The following TMEM131L variants were observed in gnomAD, a reference collection of about 807,000 sequenced individuals.
The protein encoded by TMEM131L is transmembrane 131 like.
In TMEM131L, 54 loss-of-function variants were observed where a neutral mutation model predicts 192.2. That is an observed-to-expected ratio of 0.28 (90% CI 0.23 to 0.35). TMEM131L has a LOEUF of 0.35. TMEM131L is among the 10% of genes least tolerant of loss of function. TMEM131L has a pLI of 1.00. For synonymous variants in TMEM131L, 701 were observed against 704.9 expected, an observed-to-expected ratio of 0.99 and a Z score of 0.09; for missense variants, 1,888 against 1,972.9, an observed-to-expected ratio of 0.96 and a Z score of 0.82.
At chr4:153,614,629 T>G (rs1032827033) in intron 26 of TMEM131L, among the ~76,000 whole-genome samples, 3 of 152,202 alleles carry the variant, frequency 2.0e-5, no homozygotes, top group Admixed American at 1.3e-4. Flanking sequence ...TTATAAAGAC[T>G]GTCAGGATGC....
chr4:153,592,423 G>A, intron 17 of TMEM131L, 52 bp from the exon 18 acceptor site: 1 of 1,208,512 alleles, frequency 8.3e-7, no homozygotes, highest in Non-Finnish European at 1.2e-6. Flanking sequence ...AATATCTCAG[G>A]AGGGATGCTG....
At position 153,603,305 on chromosome 4, in the gene TMEM131L, T is replaced by G. The variant is rs746709477; in HGVS notation, c.2642T>G (p.Leu881Trp). The G allele has an allele frequency of 1.2e-6, 2 of 1,612,984 alleles. No homozygotes were observed. The highest frequency in any genetic ancestry group is 2.2e-5 in the South Asian group (2 of 90,824). Residue 881 changes from leucine (L) to tryptophan (W), a missense_variant and splice_region_variant, in exon 24 of 35, where the codon TTG (leucine) becomes TGG (tryptophan). Transcript: ENST00000409959. ...AACCTTGTTGCTTTCTTCCTCAGTTTGTCCCTGTTGGGTGTGATTTTAATA... is the reference window on the plus strand; with the variant it reads ...AACCTTGTTGCTTTCTTCCTCAGTTGGTCCCTGTTGGGTGTGATTTTAATA... ...FWRLTVFFVS[L>W]SLLGVILIAF...
At chr4:153,565,995 TG>T (rs1483907814) in intron 7 of TMEM131L, among the ~76,000 whole-genome samples, 2 of 152,202 alleles carry the variant, frequency 1.3e-5, no homozygotes, top group Non-Finnish European at 2.9e-5. Flanking sequence ...TATTTGAAAT[TG>T]GCATTGTCTC....
intron 3 of TMEM131L, among the ~76,000 whole-genome samples, chr4:153,504,266 C>CTTTTTTTTTTTTTTTTTT (rs531620464): frequency 2.3e-5 from 1 of 42,630 alleles, no homozygotes; most frequent in Admixed American, 2.6e-4. Context: ...CGCGGTCGGC[C>CTTTTTTTTTTTTTTTTTT]TTTTTTTTTT....
intron 26 of TMEM131L, among the ~76,000 whole-genome samples, chr4:153,616,158 C>A (rs568118415): frequency 6.6e-6 from 1 of 152,226 alleles, no homozygotes; most frequent in African/African-American, 2.4e-5. Flanking sequence ...AGGAGACAGG[C>A]CCATCTGAGG....
At chr4:153,610,098 T>TTAGA (rs1366261535) in intron 25 of TMEM131L, among the ~76,000 whole-genome samples, 2 of 152,232 alleles carry the variant, frequency 1.3e-5, no homozygotes, top group Non-Finnish European at 2.9e-5. Flanking sequence ...AGGGCTGCTG[T>TTAGA]TAGATGCTCT....
rs752650890 is a variant in TMEM131L at position 153,557,004 on chromosome 4, T to C, written c.471T>C (p.Ile157=). ...PAMGKTSFRI[I]FLPTEEGSIE... is the part of the protein sequence containing the mutation. ...TGGGGAAAACTTCCTTCAGAATTATTTTCTTACCTACTGAAGAAGGAAGCA... is the reference window on the plus strand; with the variant it reads ...TGGGGAAAACTTCCTTCAGAATTATCTTCTTACCTACTGAAGAAGGAAGCA... The change falls in exon 6 of 35, where the codon ATT becomes ATC. Residue 157 remains isoleucine (I), a synonymous_variant. Transcript: ENST00000409959. 1 of 1,602,866 alleles carries C rather than the reference T, an allele frequency of 6.2e-7. No homozygotes were observed. The highest frequency in any genetic ancestry group is 1.1e-5 in the South Asian group (1 of 90,198).
intron 3 of TMEM131L, among the ~76,000 whole-genome samples, chr4:153,547,695 C>G (rs1737289378): frequency 6.6e-6 from 1 of 152,230 alleles, no homozygotes; most frequent in Non-Finnish European, 1.5e-5. Flanking sequence ...CTCGAGTGCT[C>G]TGCTTCCCAA....
At chr4:153,604,564 A>C in intron 25 of TMEM131L, 134 bp downstream of exon 25, 1 of 931,216 alleles carries the variant, frequency 1.1e-6, no homozygotes, top group Middle Eastern at 2.2e-4. Flanking sequence ...TATTGAAAAA[A>C]GACAAAATGA....
intron 3 of TMEM131L, among the ~76,000 whole-genome samples, chr4:153,515,469 A>C (rs143989684): frequency 2.2e-4 from 33 of 152,336 alleles, no homozygotes; most frequent in African/African-American, 7.5e-4. Flanking sequence ...GATAGATCAC[A>C]TTTTATTCAT....
At position 153,561,500 on chromosome 4, in the gene TMEM131L, A is replaced by G. The variant is rs75828140; in HGVS notation, c.660+3132A>G. 7.0e-3 allele frequency among the ~76,000 whole-genome samples: 1,072 copies of G among 152,266 alleles called. 13 individuals are homozygous for G. Among genetic ancestry groups the G allele is most frequent in the African/African-American group, 0.024 (994 of 41,532 alleles). ...TTTCTTCTAAAGTTTTATAGTTTAC[A>G]TTTAGGTTTATGACCCATCCTCACT... is the stretch of plus-strand genomic sequence containing the variant. On this transcript the variant is annotated intron_variant, in intron 7 of 34. Coordinates refer to ENST00000409959, the MANE Select transcript of TMEM131L (RefSeq NM_001131007.2).
At chr4:153,602,832 G>C in intron 23 of TMEM131L, 105 bp downstream of exon 23, 1 of 975,442 alleles carries the variant, frequency 1.0e-6, no homozygotes, top group Non-Finnish European at 1.6e-6. Flanking sequence ...TATATGAATT[G>C]AGTGGAATTG....
At chr4:153,483,745 C>A (rs1450265207) in intron 3 of TMEM131L, among the ~76,000 whole-genome samples, 1 of 152,042 alleles carries the variant, frequency 6.6e-6, no homozygotes, top group East Asian at 1.9e-4. Flanking sequence ...GAAGGTATTG[C>A]TGTGTAAGAA....
At chr4:153,587,400 AT>A (rs1044894957) in intron 14 of TMEM131L, among the ~76,000 whole-genome samples, 1 of 150,634 alleles carries the variant, frequency 6.6e-6, no homozygotes, top group South Asian at 2.1e-4. Flanking sequence ...TTAATTTTTA[AT>A]TTTTTTTACA....
chr4:153,467,409 G>A, intron 2 of TMEM131L, 128 bp downstream of exon 2: 1 of 778,414 alleles, frequency 1.3e-6, no homozygotes, highest in Non-Finnish European at 2.1e-6. Context: ...GCAAATAAAC[G>A]TTAGGGGCCG....
In TMEM131L at chr4:153,584,926, T is replaced by C. The variant is rs1182043418; in HGVS notation, c.1152T>C (p.Ala384=). The C allele has an allele frequency of 1.2e-6, 2 of 1,611,952 alleles. No homozygotes were observed. Among genetic ancestry groups the C allele is most frequent in the Admixed American group, 1.7e-5 (1 of 59,994 alleles). Residue 384 remains alanine, a synonymous_variant, in exon 12 of 35, where the codon GCT becomes GCC. Transcript: ENST00000409959. ...AAGCATGCCTCTTCTCTTCTGTGGC[T>C]CAGGGGTAGGTTACTTCCACTTTCC... ...TLKACLFSSV[A]QGYFRMDSSA...
intron 31 of TMEM131L, among the ~76,000 whole-genome samples, chr4:153,630,195 C>T (rs902433990): frequency 1.3e-5 from 2 of 152,338 alleles, no homozygotes; most frequent in African/African-American, 2.4e-5. Context: ...TTTTCACATG[C>T]GTACATCATT....
chr4:153,626,774 C>T (rs367829466), intron 30 of TMEM131L, among the ~76,000 whole-genome samples: 47 of 152,256 alleles, frequency 3.1e-4, no homozygotes, highest in African/African-American at 1.1e-3. Context: ...CAGAAAAGAA[C>T]ACCTTATTTC....
chr4:153,589,084 C>T (rs909666259), intron 16 of TMEM131L, 77 bp downstream of exon 16: 17 of 785,404 alleles, frequency 2.2e-5, no homozygotes, highest in Non-Finnish European at 2.9e-5. Flanking sequence ...CCTGCGGGGA[C>T]ACATTCTAAG....
Sources: allele counts gnomAD v4.1 joint callset (sites outside exome capture counted in the v4.1 genomes callset), GRCh38; gene constraint gnomAD v4.1.1; transcripts MANE v1.5; gene names NCBI Gene and HGNC (gene_info 2026-07-23, HGNC 2026-07-21).